Variants in CUL9 observed in about 807,000 individuals in gnomAD.
The protein encoded by CUL9 is cullin 9, also known as cullin-9.
A neutral mutation model predicts 272.6 loss-of-function variants in CUL9; 79 were observed. The ratio of observed to expected loss-of-function variants is 0.29; its 90% confidence interval spans 0.24 to 0.35. The LOEUF (loss-of-function observed/expected upper bound fraction) is 0.35. Ranked by LOEUF, CUL9 falls within the 10% of genes least tolerant of loss-of-function variation. The pLI is 1.00. For missense variants in CUL9, 2,532 were observed against 3,255.6 expected (o/e 0.78, Z 5.41); for synonymous variants, 1,186 against 1,286.5 (o/e 0.92, Z 1.67).
rs988039929 is a variant in CUL9, at chr6:43,221,438, G to A, written c.6752+117G>A. On this transcript the variant is annotated intron_variant, in intron 34 of 40. Coordinates refer to ENST00000252050, the MANE Select transcript of CUL9 (RefSeq NM_015089.4). The surrounding 1 kb of genome is among the most constrained non-coding windows in gnomAD (Gnocchi z 4.2). ...AGCAAAAGAGGGTGGTTCCTCAGCC[G>A]CCCCTCACGTGGCAGCCTCCACGGT... 39 of 1,248,320 alleles carry A rather than the reference G, an allele frequency of 3.1e-5. No homozygotes were observed. Among genetic ancestry groups the A allele is most frequent in the African/African-American group, 2.6e-4 (17 of 65,994 alleles). The allele number at this position is 1,248,320 out of a possible 1,614,324, so 77.3% of individuals were successfully genotyped here.
At chr6:43,187,605 T>C (rs895892981) in intron 6 of CUL9, 108 bp from the exon 7 acceptor site, 5 of 1,359,978 alleles carry the variant, frequency 3.7e-6, no homozygotes, top group Non-Finnish European at 5.1e-6. Context: ...GAGGGTCTAG[T>C]ATGTAGAAGG....
intron 12 of CUL9, 85 bp downstream of exon 12, chr6:43,198,940 T>C: frequency 3.2e-6 from 1 of 316,414 alleles, no homozygotes; most frequent in Non-Finnish European, 4.7e-6. Context: ...TTCTGTTTTC[T>C]TTTTTTTTTT....
In CUL9 at chr6:43,199,320, G is replaced by T. The variant is rs143380213; in HGVS notation, c.3105G>T (p.Glu1035Asp). 42 of 1,613,676 alleles carry T rather than the reference G, an allele frequency of 2.6e-5. No individual in the cohort carries two copies. In the African/African-American group the frequency reaches 4.3e-4, roughly 16 times the overall value. Residue 1035 changes from glutamate (E) to aspartate (D), a missense_variant, in exon 13 of 41, where the codon GAG (glutamate) becomes GAT (aspartate). This residue lies in a region of CUL9 where 2,218 missense variants were observed against 2,788.6 expected (regional missense o/e 0.80). Coordinates refer to ENST00000252050, the MANE Select transcript of CUL9 (RefSeq NM_015089.4). This position sits in a 1 kb window ranked among gnomAD's most constrained non-coding sequence, Gnocchi z 4.4. ...FPEAMVLPWH[E>D]VLEPCLNCLS... ...AGGCAATGGTCCTCCCCTGGCACGA[G>T]GTCTTGGAGCCCTGCCTCAACTGCC...
chr6:43,207,937 TGA>T (rs2150597127), intron 26 of CUL9, among the ~76,000 whole-genome samples: 1 of 152,366 alleles, frequency 6.6e-6, no homozygotes, highest in East Asian at 1.9e-4. Flanking sequence ...GATCTACTAC[TGA>T]GAGAGGTGTG....
At position 43,213,818 on chromosome 6, in the gene CUL9, T is replaced by C. The variant is rs142513991; in HGVS notation, c.5594T>C (p.Leu1865Pro). ...GTAGAGAAGGATGAAGGCCGAACCC[T>C]GGAACAGAAGAGGAATCTCTTGAGC... Reference protein sequence around the residue: ...LNVEKDEGRTLEQKRNLLSCL... With the variant: ...LNVEKDEGRTPEQKRNLLSCL... Residue 1865 changes from leucine to proline, a missense_variant, in exon 29 of 41, where the codon CTG (leucine) becomes CCG (proline). Coordinates refer to ENST00000252050, the MANE Select transcript of CUL9 (RefSeq NM_015089.4). The surrounding 1 kb of genome is among the most constrained non-coding windows in gnomAD (Gnocchi z 5.7). 4.3e-6 allele frequency: 7 copies of C among 1,614,194 alleles called. No homozygotes were observed. The highest frequency in any genetic ancestry group is 5.9e-6 in the Non-Finnish European group (7 of 1,180,028).
Position 43,186,180 on chromosome 6 carries a change from C to T in CUL9, c.976C>T (p.Gln326Ter). The T allele has an allele frequency of 1.2e-6, 2 of 1,614,216 alleles. No homozygotes were observed. The highest frequency in any genetic ancestry group is 1.7e-6 in the Non-Finnish European group (2 of 1,180,024). The change falls in exon 4 of 41, where the codon CAG becomes TAG. Residue 326 changes from glutamine to a stop codon, truncating the protein, a stop_gained. Transcript: ENST00000252050. LOFTEE classifies it high-confidence loss of function. ...GGGCTGGGCCCGGAACCTCAGCGAA[C>T]AGGGCATGTCACCTCCCCGGCCAAC... is the stretch of plus-strand genomic sequence containing the variant. ...SMGWARNLSE[Q>*]GMSPPRPTRS...
intron 8 of CUL9, 91 bp downstream of exon 8, chr6:43,188,806 A>T: frequency 8.7e-7 from 1 of 1,152,606 alleles, no homozygotes; most frequent in Non-Finnish European, 1.2e-6. Flanking sequence ...CACGAATTAG[A>T]AAAGCTTGGG....
At position 43,224,086 on chromosome 6, in the gene CUL9, G is replaced by A. The variant is rs1582449455; in HGVS notation, c.7285-9G>A. The A allele has an allele frequency of 6.2e-7, 1 of 1,613,952 alleles. No individual in the cohort carries two copies. On this transcript the variant is annotated splice_polypyrimidine_tract_variant and intron_variant, in intron 39 of 40. Transcript: ENST00000252050. This position sits in a 1 kb window ranked among gnomAD's most constrained non-coding sequence, Gnocchi z 4.2. ...ACCTCCTTCTCAAATCCTTCTGTCT[G>A]CTCACCAGGATTTCCGGGTTGGTCT...
Position 43,200,605 on chromosome 6 carries a change from TC to T in CUL9, c.3476-56del. On this transcript the variant is annotated intron_variant, in intron 15 of 40. Transcript: ENST00000252050. The surrounding 1 kb of genome is among the most constrained non-coding windows in gnomAD (Gnocchi z 4.0). ...TTCCCTTCCTGCTCCTTAGACCTTT[TC>T]CTTTTTCCTCTCAACTAACCTAGCT... 1 of 1,613,518 alleles carries T rather than the reference TC, an allele frequency of 6.2e-7. No individual in the cohort carries two copies. The highest frequency in any genetic ancestry group is 8.5e-7 in the Non-Finnish European group (1 of 1,179,534).
At position 43,187,077 on chromosome 6, in the gene CUL9, G is replaced by A. The variant is rs1214034530; in HGVS notation, c.1369G>A (p.Ala457Thr). 1 of 1,614,064 alleles carries A rather than the reference G, an allele frequency of 6.2e-7. No homozygotes were observed. The highest frequency in any genetic ancestry group is 1.7e-5 in the Admixed American group (1 of 60,020). The stretch of plus-strand genomic sequence containing the variant: ...AGCAGCTGTGGAGAAGGGGGCAGGG[G>A]CTACTGTGTTGGGCACAGGTGAGCC... Reference protein sequence around the residue: ...ASAAVEKGAGATVLGTAFPSW... With the variant: ...ASAAVEKGAGTTVLGTAFPSW... The change falls in exon 5 of 41, where the codon GCT becomes ACT. Residue 457 changes from alanine (A) to threonine (T), a missense_variant. Ala to Thr is a moderately conservative substitution (Grantham distance 58, BLOSUM62 0). Coordinates refer to ENST00000252050, the MANE Select transcript of CUL9 (RefSeq NM_015089.4).
In CUL9 at chr6:43,186,198, C is replaced by A. The variant is rs774729669; in HGVS notation, c.994C>A (p.Arg332=). Residue 332 remains arginine (R), a synonymous_variant, in exon 4 of 41, where the codon CGG becomes AGG. Transcript: ENST00000252050. Reference sequence around the variant, plus strand: ...CAGCGAACAGGGCATGTCACCTCCCCGGCCAACCCGGTCCATCTTTCAGCC... The same window carrying A: ...CAGCGAACAGGGCATGTCACCTCCCAGGCCAACCCGGTCCATCTTTCAGCC... ...NLSEQGMSPP[R]PTRSIFQPYI... is the part of the protein sequence containing the mutation. The A allele has an allele frequency of 6.8e-6, 11 of 1,614,082 alleles. No individual in the cohort carries two copies. Among genetic ancestry groups the A allele is most frequent in the Non-Finnish European group, 9.3e-6 (11 of 1,180,042 alleles).
At position 43,221,070 on chromosome 6, in the gene CUL9, A is replaced by T; in HGVS notation, c.6589-88A>T. The T allele has an allele frequency of 6.6e-7, 1 of 1,511,796 alleles. No individual in the cohort carries two copies. The highest frequency in any genetic ancestry group is 8.9e-7 in the Non-Finnish European group (1 of 1,123,536). 93.6% of individuals were successfully genotyped at this position (1,511,796 alleles called of 1,614,324 possible). On this transcript the variant is annotated intron_variant, in intron 33 of 40. Coordinates refer to ENST00000252050, the MANE Select transcript of CUL9 (RefSeq NM_015089.4). The surrounding 1 kb of genome is among the most constrained non-coding windows in gnomAD (Gnocchi z 4.2). ...CTCTTCCTGGAGCCCTCCAAATGTG[A>T]TCTGTGCCTGCTCCCCTCTCTCCTG...
At position 43,223,255 on chromosome 6, in the gene CUL9, C is replaced by T; in HGVS notation, c.7151-9C>T. ...AGGGAGGGAGCCTCTGTGCCTGCCC[C>T]CTCTGCAGAGGAAACCCTGCTGCGG... On this transcript the variant is annotated splice_polypyrimidine_tract_variant and intron_variant, in intron 38 of 40. Coordinates refer to ENST00000252050, the MANE Select transcript of CUL9 (RefSeq NM_015089.4). This position sits in a 1 kb window ranked among gnomAD's most constrained non-coding sequence, Gnocchi z 4.1. The T allele has an allele frequency of 1.3e-6, 2 of 1,593,094 alleles. No individual in the cohort carries two copies. The highest frequency in any genetic ancestry group is 8.6e-7 in the Non-Finnish European group (1 of 1,168,446).
rs537380535 is a variant in CUL9, at chr6:43,223,491, A to G, written c.7284+94A>G. 67 of 1,459,758 alleles carry G rather than the reference A, an allele frequency of 4.6e-5. No individual in the cohort carries two copies. In the African/African-American group the frequency reaches 8.6e-4, roughly 19 times the overall value. The allele number at this position is 1,459,758 out of a possible 1,614,324, so 90.4% of individuals were successfully genotyped here. A position where few individuals can be genotyped will look rare whatever the true frequency, so the allele number is the denominator to read the frequency against. On this transcript the variant is annotated intron_variant, in intron 39 of 40. Coordinates refer to ENST00000252050, the MANE Select transcript of CUL9 (RefSeq NM_015089.4). This position sits in a 1 kb window ranked among gnomAD's most constrained non-coding sequence, Gnocchi z 4.1. Reference sequence around the variant, plus strand: ...AGCCCCTGCCCTGGGGCGAGTCCAGAAGGAAAGGCAGCAAAGCGGGTGAAT... The same window carrying G: ...AGCCCCTGCCCTGGGGCGAGTCCAGGAGGAAAGGCAGCAAAGCGGGTGAAT...
chr6:43,214,939 T>C (rs190545507), intron 29 of CUL9, 140 bp from the exon 30 acceptor site: 5 of 933,202 alleles, frequency 5.4e-6, no homozygotes, highest in Admixed American at 2.9e-5. Context: ...ATCAGGCCAC[T>C]GCACTCTGGC....
chr6:43,206,286 A>C lies in CUL9; in HGVS notation c.5023-35A>C. ...GAGAGAAGACTAGACCAAGGAAGGGAGCCCAAGGGCCCTTGAAATCCTTCT... is the reference window on the plus strand; with the variant it reads ...GAGAGAAGACTAGACCAAGGAAGGGCGCCCAAGGGCCCTTGAAATCCTTCT... On this transcript the variant is annotated intron_variant, in intron 25 of 40. Coordinates refer to ENST00000252050, the MANE Select transcript of CUL9 (RefSeq NM_015089.4). The surrounding 1 kb of genome is among the most constrained non-coding windows in gnomAD (Gnocchi z 4.8). 6.2e-7 allele frequency: 1 copy of C among 1,612,020 alleles called. No individual in the cohort carries two copies. Among genetic ancestry groups the C allele is most frequent in the East Asian group, 2.2e-5 (1 of 44,858 alleles).
At chr6:43,185,826 A>G (rs573053136) in intron 3 of CUL9, 129 bp from the exon 4 acceptor site, 2 of 1,323,062 alleles carry the variant, frequency 1.5e-6, no homozygotes, top group Middle Eastern at 2.5e-4. Flanking sequence ...TCTTACACAA[A>G]TCAAAGTTTC....
At chr6:43,201,768 T>C (rs371910947) in intron 16 of CUL9, among the ~76,000 whole-genome samples, 16 of 152,318 alleles carry the variant, frequency 1.1e-4, no homozygotes, top group East Asian at 1.9e-4. Context: ...CGTGAACCAC[T>C]GCGCCCGGCC....
intron 17 of CUL9, 93 bp downstream of exon 17, chr6:43,202,914 C>A: frequency 7.6e-7 from 1 of 1,312,802 alleles, no homozygotes. Context: ...GGAATGGTGA[C>A]ATCCCTTCCC....
Sources: allele counts gnomAD v4.1 joint callset (sites outside exome capture counted in the v4.1 genomes callset), GRCh38; gene constraint gnomAD v4.1.1; regional missense constraint gnomAD v4.1.1; non-coding constraint Gnocchi (gnomAD v3.1); transcripts MANE v1.5; gene names NCBI Gene and HGNC (gene_info 2026-07-23, HGNC 2026-07-21).